PCDHGA11: variants seen among roughly 807,000 people sequenced by gnomAD.
PCDHGA11 encodes the protein protocadherin gamma subfamily A, 11.
PCDHGA11 carries 39 observed loss-of-function variants against 60.4 expected under a neutral mutation model. The ratio of observed to expected loss-of-function variants is 0.65; its 90% CI spans 0.50 to 0.84. The LOEUF is 0.84. Ranked by LOEUF, PCDHGA11 falls within the 40% of genes least tolerant of loss-of-function variation. The pLI, the probability that PCDHGA11 is intolerant of heterozygous loss-of-function variation, is 0.00. For synonymous variants in PCDHGA11, 533 were observed against 510.3 expected (o/e 1.04, Z -0.60); for missense variants, 1,165 against 1,197.7 (o/e 0.97, Z 0.40).
At chr5:141,453,482 A>T (rs979979155) in intron 1 of PCDHGA11, among the ~76,000 whole-genome samples, 1 of 151,990 alleles carries the variant, frequency 6.6e-6, no homozygotes, top group Non-Finnish European at 1.5e-5. Context: ...CAAAACTATT[A>T]AAAAAAGGTG....
chr5:141,477,193 C>G lies in PCDHGA11; in HGVS notation c.2434-17614C>G. The G allele has an allele frequency of 6.2e-7, 1 of 1,614,176 alleles. No homozygotes were observed. Among genetic ancestry groups the G allele is most frequent in the Non-Finnish European group, 8.5e-7 (1 of 1,180,036 alleles). On this transcript the variant is annotated intron_variant, in intron 1 of 3. Transcript: ENST00000398587. This position sits in a 1 kb window ranked among gnomAD's most constrained non-coding sequence, Gnocchi z 4.9. ...AGATCACAGTCACCTCCGTGTACAG[C>G]CCAGTACCCGAGGATGCCCCTCTGG...
rs1379023118 is a variant in PCDHGA11, at chr5:141,487,609, G to A, written c.2434-7198G>A. ...GCCCACCCTCTGATCTTCTCTATGG[G>A]CTAGAGGTGAGACCTTTGCAGGCTC... On this transcript the variant is annotated intron_variant, in intron 1 of 3. Transcript: ENST00000398587. The surrounding 1 kb of genome is among the most constrained non-coding windows in gnomAD (Gnocchi z 5.0). 1 of 1,614,202 alleles carries A rather than the reference G, an allele frequency of 6.2e-7. No individual in the cohort carries two copies. The highest frequency in any genetic ancestry group is 1.1e-5 in the South Asian group (1 of 91,084).
Position 141,495,452 on chromosome 5 carries a change from CTCTG to C in PCDHGA11, c.2492+593_2492+596del, listed in dbSNP as rs550877100. ...GTCCTCTGCCCCTACTTGTCCTGCTCTCTGTCTGTGGGGTCTCCGTGTCTCTGCC... is the reference window on the plus strand; with the variant it reads ...GTCCTCTGCCCCTACTTGTCCTGCTCTCTGTGGGGTCTCCGTGTCTCTGCC... On this transcript the variant is annotated intron_variant, in intron 2 of 3. Coordinates refer to ENST00000398587, the MANE Select transcript of PCDHGA11 (RefSeq NM_018914.3). 5.6e-4 allele frequency among the ~76,000 whole-genome samples: 85 copies of C among 152,356 alleles called. 1 individual carries two copies. Among genetic ancestry groups the C allele is most frequent in the Admixed American group, 3.5e-3 (53 of 15,310 alleles).
intron 1 of PCDHGA11, chr5:141,427,749 A>G (rs770208196): frequency 4.6e-6 from 6 of 1,299,142 alleles, no homozygotes; most frequent in South Asian, 2.4e-5. Context: ...CTCCTACTCC[A>G]TCGTTACCAC....
intron 1 of PCDHGA11, among the ~76,000 whole-genome samples, chr5:141,438,635 TAC>T (rs56854727): frequency 0.14 from 4,591 of 32,686 alleles, 460 homozygotes; most frequent in Middle Eastern, 0.21. Flanking sequence ...TATATATATA[TAC>T]ACACACACAC....
chr5:141,489,126 T>G lies in PCDHGA11; in HGVS notation c.2434-5681T>G. 31 of 585,108 alleles carry G rather than the reference T, an allele frequency of 5.3e-5. No homozygotes were observed. Among genetic ancestry groups the G allele is most frequent in the South Asian group, 1.3e-4 (4 of 31,402 alleles). 36.2% of individuals were successfully genotyped at this position (585,108 alleles called of 1,614,324 possible). On this transcript the variant is annotated intron_variant, in intron 1 of 3. Transcript: ENST00000398587. The surrounding 1 kb of genome is among the most constrained non-coding windows in gnomAD (Gnocchi z 4.5). ...TGCAAGCAGGCAAACCTCCGAGCAG[T>G]TTTTAAGAGGCTGGAAGGAGACATA...
At position 141,487,665 on chromosome 5, in the gene PCDHGA11, G is replaced by C. The variant is rs373971935; in HGVS notation, c.2434-7142G>C. 2.1e-5 allele frequency: 34 copies of C among 1,612,724 alleles called. No homozygotes were observed. In the South Asian group the frequency reaches 3.4e-4, roughly 16 times the overall value. ...ATGCTTGAGGGTTATTCTGATCCAG[G>C]CATATGGCTAGGCCATGTCCTAGAG... On this transcript the variant is annotated intron_variant, in intron 1 of 3. Transcript: ENST00000398587. The surrounding 1 kb of genome is among the most constrained non-coding windows in gnomAD (Gnocchi z 5.0).
intron 1 of PCDHGA11, among the ~76,000 whole-genome samples, chr5:141,425,605 A>G (rs1229246680): frequency 6.6e-6 from 1 of 152,230 alleles, no homozygotes; most frequent in Non-Finnish European, 1.5e-5. Context: ...TGCCCTATAT[A>G]GCTTTCAGTG....
Position 141,489,492 on chromosome 5 carries a change from G to T in PCDHGA11, c.2434-5315G>T, listed in dbSNP as rs1258376136. On this transcript the variant is annotated intron_variant, in intron 1 of 3. Coordinates refer to ENST00000398587, the MANE Select transcript of PCDHGA11 (RefSeq NM_018914.3). The surrounding 1 kb of genome is among the most constrained non-coding windows in gnomAD (Gnocchi z 4.5). ...CCCTGAGCTTGATGAGTGGTGCCCT[G>T]GCAGTGAATCAAAAGATTGACCGAG... 1 of 1,614,042 alleles carries T rather than the reference G, an allele frequency of 6.2e-7. No individual in the cohort carries two copies. The highest frequency in any genetic ancestry group is 1.1e-5 in the South Asian group (1 of 91,078).
In PCDHGA11 at chr5:141,491,341, G is replaced by C. The variant is rs775712620; in HGVS notation, c.2434-3466G>C. ...TTACCTCATTGTGGCTCTAGCGACC[G>C]TCAGTCTCTTATCCCTAGTCACCTT... On this transcript the variant is annotated intron_variant, in intron 1 of 3. Transcript: ENST00000398587. This position sits in a 1 kb window ranked among gnomAD's most constrained non-coding sequence, Gnocchi z 6.9. 10 of 1,614,100 alleles carry C rather than the reference G, an allele frequency of 6.2e-6. No homozygotes were observed. In the East Asian group the frequency reaches 8.9e-5, roughly 14 times the overall value.
At chr5:141,425,524 G>C (rs2096881323) in intron 1 of PCDHGA11, among the ~76,000 whole-genome samples, 1 of 152,184 alleles carries the variant, frequency 6.6e-6, no homozygotes, top group Non-Finnish European at 1.5e-5. Context: ...GATGAAACAT[G>C]AAACAATAAT....
At chr5:141,480,497 A>G (rs909585240) in intron 1 of PCDHGA11, among the ~76,000 whole-genome samples, 6 of 152,236 alleles carry the variant, frequency 3.9e-5, no homozygotes, top group Non-Finnish European at 8.8e-5. Flanking sequence ...CCTTAGAAAT[A>G]CACATATGAG....
At chr5:141,497,664 C>T (rs779506763) in intron 2 of PCDHGA11, among the ~76,000 whole-genome samples, 14 of 151,904 alleles carry the variant, frequency 9.2e-5, no homozygotes, top group Non-Finnish European at 1.8e-4. Context: ...CTCAGCCTCC[C>T]GAGTAGCTGG....
At chr5:141,474,658 A>G (rs950490550) in intron 1 of PCDHGA11, among the ~76,000 whole-genome samples, 13 of 152,176 alleles carry the variant, frequency 8.5e-5, no homozygotes, top group African/African-American at 3.1e-4. Flanking sequence ...CTTCTTTTCT[A>G]CCTACCTAAC....
Position 141,485,072 on chromosome 5 carries a change from G to C in PCDHGA11, c.2434-9735G>C. 1.1e-6 allele frequency: 1 copy of C among 917,012 alleles called. No individual in the cohort carries two copies. The highest frequency in any genetic ancestry group is 1.7e-6 in the Non-Finnish European group (1 of 587,880). 56.8% of individuals were successfully genotyped at this position (917,012 alleles called of 1,614,324 possible). On this transcript the variant is annotated intron_variant, in intron 1 of 3. Coordinates refer to ENST00000398587, the MANE Select transcript of PCDHGA11 (RefSeq NM_018914.3). The surrounding 1 kb of genome is among the most constrained non-coding windows in gnomAD (Gnocchi z 5.7). ...CCGGCCGAACCGCGCCAGAGCTGGCGCGGGGAAAGGGAGATAGGTGTCTCC... is the reference window on the plus strand; with the variant it reads ...CCGGCCGAACCGCGCCAGAGCTGGCCCGGGGAAAGGGAGATAGGTGTCTCC...
At chr5:141,428,020 C>T (rs1443722620) in intron 1 of PCDHGA11, 1 of 1,605,408 alleles carries the variant, frequency 6.2e-7, no homozygotes, top group Admixed American at 1.7e-5. Context: ...GTGCCACGCG[C>T]CGCAGAGTCC....
At position 141,432,612 on chromosome 5, in the gene PCDHGA11, C is replaced by A. The variant is rs752901891; in HGVS notation, c.2433+8952C>A. On this transcript the variant is annotated intron_variant, in intron 1 of 3. Transcript: ENST00000398587. This position sits in a 1 kb window ranked among gnomAD's most constrained non-coding sequence, Gnocchi z 6.0. ...AAGGCCAGCGAGCCGGGACTCTTCT[C>A]GGTGGGTCTGCACACGGGCGAGGTG... 1 of 1,613,912 alleles carries A rather than the reference C, an allele frequency of 6.2e-7. No individual in the cohort carries two copies. The highest frequency in any genetic ancestry group is 1.1e-5 in the South Asian group (1 of 91,062).
intron 1 of PCDHGA11, among the ~76,000 whole-genome samples, chr5:141,469,821 G>A (rs2099212107): frequency 6.6e-6 from 1 of 152,028 alleles, no homozygotes; most frequent in Admixed American, 6.6e-5. Flanking sequence ...TAGAATGGAG[G>A]TCACATAAAA....
At chr5:141,502,499 C>A (rs552402476) in intron 2 of PCDHGA11, among the ~76,000 whole-genome samples, 12 of 152,122 alleles carry the variant, frequency 7.9e-5, no homozygotes, top group Non-Finnish European at 2.9e-5. Flanking sequence ...CATCTAACGT[C>A]GGCCTGTCCC....
Sources: allele counts gnomAD v4.1 joint callset (sites outside exome capture counted in the v4.1 genomes callset), GRCh38; gene constraint gnomAD v4.1.1; non-coding constraint Gnocchi (gnomAD v3.1); transcripts MANE v1.5; gene names NCBI Gene and HGNC (gene_info 2026-07-23, HGNC 2026-07-21).